The following ENOX1 variants were observed in gnomAD, a reference collection of about 807,000 sequenced individuals.
ENOX1 encodes ecto-NOX disulfide-thiol exchanger 1.
Under a neutral mutation model 82.5 loss-of-function variants are expected in ENOX1, and 42 were observed. The ratio of observed to expected loss-of-function variants is 0.51; its 90% CI spans 0.40 to 0.66. ENOX1 has a LOEUF of 0.66. Ranked by LOEUF, ENOX1 falls within the 30% of genes least tolerant of loss-of-function variation. The probability of loss-of-function intolerance (pLI) is 0.00; values close to 1 mark genes in which losing one functional copy is unlikely to be tolerated. For missense variants in ENOX1, 608 were observed against 811.6 expected (o/e 0.75, Z 3.05); for synonymous variants, 271 against 282.2 (o/e 0.96, Z 0.40).
intron 2 of ENOX1, among the ~76,000 whole-genome samples, chr13:43,602,098 T>C (rs1185664646): frequency 2.0e-5 from 3 of 152,068 alleles, no homozygotes; most frequent in African/African-American, 7.2e-5. Context: ...ATAATATTTT[T>C]AGAGGAATAA....
intron 2 of ENOX1, among the ~76,000 whole-genome samples, chr13:43,489,510 T>C (rs1281656574): frequency 1.3e-5 from 2 of 152,160 alleles, no homozygotes; most frequent in Non-Finnish European, 2.9e-5. Context: ...GGTAGGACCA[T>C]GGCAGAGACC....
intron 5 of ENOX1, among the ~76,000 whole-genome samples, chr13:43,387,087 AT>A (rs2052460533): frequency 6.6e-6 from 1 of 152,216 alleles, no homozygotes; most frequent in African/African-American, 2.4e-5. Flanking sequence ...TATGCCAGGC[AT>A]TGTTTTAGGA....
In ENOX1 at chr13:43,559,864, T is replaced by C. The variant is rs184103459; in HGVS notation, c.-218-75712A>G. ...TTTTGGAAAAGACTAAAACACAAAC[T>C]CCTTTAGTAAAATGCTTTAATATAC... On this transcript the variant is annotated intron_variant, in intron 2 of 16. Transcript: ENST00000690772. Among the ~76,000 whole-genome samples, 43 of 152,290 alleles carry C rather than the reference T, an allele frequency of 2.8e-4. 1 individual carries two copies. The Middle Eastern group carries it at 0.02, about 72-fold the overall frequency.
chr13:43,498,881 G>T (rs567732708), intron 2 of ENOX1, among the ~76,000 whole-genome samples: 2 of 152,152 alleles, frequency 1.3e-5, no homozygotes, highest in East Asian at 1.9e-4. Flanking sequence ...CCCTTGACTG[G>T]ATGATAGAAT....
intron 7 of ENOX1, among the ~76,000 whole-genome samples, chr13:43,356,394 T>A (rs1161096835): frequency 6.6e-6 from 1 of 152,166 alleles, no homozygotes; most frequent in Non-Finnish European, 1.5e-5. Context: ...GAGGGCTGCT[T>A]ACCCATCTTC....
chr13:43,308,022 C>T (rs1238111438), intron 11 of ENOX1, among the ~76,000 whole-genome samples: 2 of 152,244 alleles, frequency 1.3e-5, no homozygotes. Context: ...AGTGGCCAGG[C>T]ATGCCTGCTT....
At chr13:43,351,602 G>A (rs1242877273) in intron 8 of ENOX1, among the ~76,000 whole-genome samples, 8 of 114,348 alleles carry the variant, frequency 7.0e-5, no homozygotes, top group African/African-American at 2.7e-4. Context: ...ACAGTCCCCA[G>A]AGTGTGATAT....
chr13:43,656,407 T>A (rs2084434571), intron 2 of ENOX1, among the ~76,000 whole-genome samples: 1 of 152,182 alleles, frequency 6.6e-6, no homozygotes, highest in South Asian at 2.1e-4. Flanking sequence ...AATCTTCTGC[T>A]AATGCAAGCT....
chr13:43,309,864 A>G (rs1180547715), intron 11 of ENOX1, among the ~76,000 whole-genome samples: 4 of 152,190 alleles, frequency 2.6e-5, no homozygotes, highest in African/African-American at 9.7e-5. Flanking sequence ...TCTGGTGAGT[A>G]TAGTTTTTCA....
intron 2 of ENOX1, among the ~76,000 whole-genome samples, chr13:43,642,919 A>C (rs2083718261): frequency 6.6e-6 from 1 of 152,226 alleles, no homozygotes; most frequent in Admixed American, 6.5e-5. Flanking sequence ...TGAAATATTA[A>C]TATTTGTGTC....
At chr13:43,330,730 A>C (rs888389833) in intron 9 of ENOX1, among the ~76,000 whole-genome samples, 12 of 152,228 alleles carry the variant, frequency 7.9e-5, no homozygotes, top group African/African-American at 2.9e-4. Flanking sequence ...CCTTAAGGGC[A>C]GGATAAACAG....
At chr13:43,548,034 C>T (rs901411468) in intron 2 of ENOX1, 2 of 152,150 alleles carry the variant, frequency 1.3e-5, no homozygotes, top group Admixed American at 6.6e-5. Context: ...CACAGAAAAA[C>T]AATGACTTTC....
At chr13:43,500,157 A>G (rs926632481) in intron 2 of ENOX1, among the ~76,000 whole-genome samples, 3 of 152,128 alleles carry the variant, frequency 2.0e-5, no homozygotes, top group Admixed American at 6.6e-5. Flanking sequence ...GGACACTCAG[A>G]AGAAGAGAAA....
At chr13:43,758,545 T>C (rs576291485) in intron 1 of ENOX1, among the ~76,000 whole-genome samples, 77 of 152,376 alleles carry the variant, frequency 5.1e-4, no homozygotes, top group African/African-American at 1.7e-3. Context: ...GAAAGTGTCC[T>C]GTATCTATGT....
chr13:43,581,424 G>A (rs901296104), intron 2 of ENOX1, among the ~76,000 whole-genome samples: 3 of 152,036 alleles, frequency 2.0e-5, no homozygotes, highest in African/African-American at 4.8e-5. Flanking sequence ...GAGCCACCGC[G>A]CCCGGCCCAC....
chr13:43,775,948 C>CT (rs142240092), intron 1 of ENOX1, among the ~76,000 whole-genome samples: 14,096 of 152,168 alleles, frequency 0.093, 1,084 homozygotes, highest in African/African-American at 0.21. Flanking sequence ...GAAGATGCTA[C>CT]TTGAGGCCTG....
chr13:43,702,924 G>A (rs2086993560), intron 1 of ENOX1, among the ~76,000 whole-genome samples: 1 of 122,480 alleles, frequency 8.2e-6, no homozygotes, highest in African/African-American at 3.2e-5. Flanking sequence ...TTGCACTCCA[G>A]CCTGGGCAAC....
chr13:43,421,652 A>C (rs1041567429), intron 3 of ENOX1, among the ~76,000 whole-genome samples: 2 of 152,152 alleles, frequency 1.3e-5, no homozygotes, highest in Non-Finnish European at 2.9e-5. Flanking sequence ...TCTTTCTCCC[A>C]TGCTCTCATA....
intron 14 of ENOX1, among the ~76,000 whole-genome samples, chr13:43,258,421 G>A (rs1446685952): frequency 2.0e-5 from 3 of 152,184 alleles, no homozygotes; most frequent in Admixed American, 6.5e-5. Context: ...CAGCTGCATA[G>A]GGGCAGGGGT....
Sources: allele counts gnomAD v4.1 joint callset (sites outside exome capture counted in the v4.1 genomes callset), GRCh38; gene constraint gnomAD v4.1.1; transcripts MANE v1.5; gene names NCBI Gene and HGNC (gene_info 2026-07-23, HGNC 2026-07-21).